CCDC178: variants seen among roughly 807,000 people sequenced by gnomAD.
CCDC178 encodes the protein coiled-coil domain containing 178, also known as coiled-coil domain-containing protein 178.
CCDC178 carries 126 observed loss-of-function variants against 117.4 expected under a neutral mutation model. That is an observed-to-expected ratio of 1.07 (90% CI 0.93 to 1.24). The LOEUF is 1.24. CCDC178 is among the 50% of genes most tolerant of loss of function. The pLI, the probability that CCDC178 is intolerant of heterozygous loss-of-function variation, is 0.00. For missense variants in CCDC178, 1,030 were observed against 986.9 expected (o/e 1.04, Z -0.59); for synonymous variants, 283 against 313.4 (o/e 0.90, Z 1.02).
intron 20 of CCDC178, among the ~76,000 whole-genome samples, chr18:33,170,560 G>A (rs2058586224): frequency 6.6e-6 from 1 of 151,982 alleles, no homozygotes; most frequent in Admixed American, 6.6e-5. Context: ...CAGCCGTGGG[G>A]TAAATCCTAT....
chr18:32,958,266 G>A (rs564843122), intron 22 of CCDC178: 58 of 461,640 alleles, frequency 1.3e-4, no homozygotes, highest in African/African-American at 1.1e-3. Flanking sequence ...AAATTATTGA[G>A]TTTGTGGCAA....
chr18:33,123,530 A>G (rs1368497150), intron 20 of CCDC178, among the ~76,000 whole-genome samples: 1 of 152,182 alleles, frequency 6.6e-6, no homozygotes, highest in East Asian at 1.9e-4. Context: ...AAGAAATTAA[A>G]AAGAAGCAAA....
In CCDC178 at chr18:33,229,194, G is replaced by A. The variant is rs142331535; in HGVS notation, c.1594-2339C>T. On this transcript the variant is annotated intron_variant, in intron 15 of 22. Transcript: ENST00000383096. ...GCCATAGACTCCCAACAACAACCTC[G>A]ATCAACTCCACAGCAAACCATGAGC... 7.4e-3 allele frequency among the ~76,000 whole-genome samples: 1,127 copies of A among 152,180 alleles called. 4 individuals carry two copies. The highest frequency in any genetic ancestry group is 0.013 in the Non-Finnish European group (869 of 67,980).
At chr18:33,086,793 G>A (rs1288756807) in intron 21 of CCDC178, among the ~76,000 whole-genome samples, 8 of 151,800 alleles carry the variant, frequency 5.3e-5, no homozygotes, top group Non-Finnish European at 4.4e-5. Context: ...ATTGACATTT[G>A]GGCTGGAGAA....
intron 21 of CCDC178, among the ~76,000 whole-genome samples, chr18:33,080,484 A>G (rs2057280072): frequency 6.6e-6 from 1 of 152,150 alleles, no homozygotes; most frequent in Non-Finnish European, 1.5e-5. Flanking sequence ...TTGTATTGAC[A>G]CAGGAAAAAG....
intron 15 of CCDC178, among the ~76,000 whole-genome samples, chr18:33,239,718 A>G (rs1402223122): frequency 6.6e-6 from 1 of 151,956 alleles, no homozygotes; most frequent in Non-Finnish European, 1.5e-5. Flanking sequence ...TAAAGCAACT[A>G]TTATTAGATC....
At chr18:33,374,234 T>C (rs1321487176) in intron 5 of CCDC178, among the ~76,000 whole-genome samples, 1 of 152,130 alleles carries the variant, frequency 6.6e-6, no homozygotes, top group Admixed American at 6.6e-5. Context: ...GAGGCCCCTC[T>C]GACATATGGC....
chr18:33,390,259 T>C (rs947022827), intron 4 of CCDC178, among the ~76,000 whole-genome samples: 13 of 151,970 alleles, frequency 8.6e-5, no homozygotes, highest in Admixed American at 6.5e-4. Context: ...AACATAAAAA[T>C]ATATTATCAT....
intron 21 of CCDC178, among the ~76,000 whole-genome samples, chr18:33,036,841 C>T (rs770118830): frequency 3.3e-5 from 5 of 151,822 alleles, no homozygotes; most frequent in Admixed American, 6.6e-5. Context: ...GAATAGGAAG[C>T]GGTTGGTGTA....
intron 21 of CCDC178, among the ~76,000 whole-genome samples, chr18:33,085,144 A>G (rs1406451322): frequency 6.6e-6 from 1 of 152,238 alleles, no homozygotes; most frequent in Non-Finnish European, 1.5e-5. Context: ...TCATATAATC[A>G]CACTACAATT....
At chr18:32,946,090 T>G (rs772175678) in intron 22 of CCDC178, among the ~76,000 whole-genome samples, 2 of 152,204 alleles carry the variant, frequency 1.3e-5, no homozygotes, top group Admixed American at 6.5e-5. Flanking sequence ...AAAAATCTCG[T>G]GTTTGGGTAC....
At chr18:33,387,909 T>A (rs2063516875) in intron 5 of CCDC178, among the ~76,000 whole-genome samples, 1 of 152,102 alleles carries the variant, frequency 6.6e-6, no homozygotes, top group African/African-American at 2.4e-5. Flanking sequence ...GAAAGTATCA[T>A]CAGAGTGAAC....
At chr18:33,003,001 C>T (rs1169638313) in intron 21 of CCDC178, among the ~76,000 whole-genome samples, 1 of 152,012 alleles carries the variant, frequency 6.6e-6, no homozygotes, top group Non-Finnish European at 1.5e-5. Flanking sequence ...TCTGAACAGA[C>T]CAAAAGCAAA....
chr18:33,274,148 T>C (rs1235370271), intron 12 of CCDC178, among the ~76,000 whole-genome samples: 3 of 151,800 alleles, frequency 2.0e-5, no homozygotes, highest in Non-Finnish European at 4.4e-5. Flanking sequence ...TTTTCCATTA[T>C]TAGAGACTAT....
chr18:33,298,697 C>T (rs901624849), intron 11 of CCDC178, among the ~76,000 whole-genome samples: 5 of 152,056 alleles, frequency 3.3e-5, no homozygotes, highest in Admixed American at 2.0e-4. Context: ...TCTAATTGTC[C>T]GTCTTTGTAG....
At chr18:33,269,436 A>G (rs566009292) in intron 12 of CCDC178, among the ~76,000 whole-genome samples, 1 of 151,908 alleles carries the variant, frequency 6.6e-6, no homozygotes, top group South Asian at 2.1e-4. Context: ...AAGCTATTTA[A>G]CCTCTCACCT....
intron 6 of CCDC178, among the ~76,000 whole-genome samples, chr18:33,357,464 A>C (rs1435263306): frequency 6.6e-6 from 1 of 152,110 alleles, no homozygotes; most frequent in Non-Finnish European, 1.5e-5. Flanking sequence ...GGACAGTTCA[A>C]CTGCTATTTA....
At chr18:33,332,681 T>A (rs2062685435) in intron 10 of CCDC178, among the ~76,000 whole-genome samples, 1 of 151,986 alleles carries the variant, frequency 6.6e-6, no homozygotes, top group South Asian at 2.1e-4. Context: ...GGTCAAGCAA[T>A]CCTCACACAT....
chr18:33,307,791 A>G lies in CCDC178; in HGVS notation c.1023-14479T>C, dbSNP rs1035190650. Reference sequence around the variant, plus strand: ...AGCCATGGCTAACAGGAGCCAATGTAAAGCTCAGAATGTTGCTTCAGAGGG... The same window carrying G: ...AGCCATGGCTAACAGGAGCCAATGTGAAGCTCAGAATGTTGCTTCAGAGGG... On this transcript the variant is annotated intron_variant, in intron 11 of 22. Coordinates refer to ENST00000383096, the MANE Select transcript of CCDC178 (RefSeq NM_001105528.4). Among the ~76,000 whole-genome samples the G allele has an allele frequency of 4.6e-5, 7 of 152,324 alleles. 1 individual carries two copies. In the Middle Eastern group the frequency reaches 0.014, roughly 296 times the overall value.
Sources: allele counts gnomAD v4.1 joint callset (sites outside exome capture counted in the v4.1 genomes callset), GRCh38; gene constraint gnomAD v4.1.1; transcripts MANE v1.5; gene names NCBI Gene and HGNC (gene_info 2026-07-23, HGNC 2026-07-21).